SHISA9: variants seen among roughly 807,000 people sequenced by gnomAD.
SHISA9 encodes shisa family member 9.
In SHISA9, 13 loss-of-function variants were observed where a neutral mutation model predicts 38.0. That is an observed-to-expected ratio of 0.34 (90% CI 0.22 to 0.54). The LOEUF (loss-of-function observed/expected upper bound fraction) is 0.54, where lower values mean the gene tolerates loss of function less well. Ranked by LOEUF, SHISA9 falls within the 20% of genes least tolerant of loss-of-function variation. SHISA9 has a pLI of 0.91. For synonymous variants in SHISA9, 275 were observed against 242.0 expected, an observed-to-expected ratio of 1.14 and a Z score of -1.27; for missense variants, 538 against 575.8, an observed-to-expected ratio of 0.93 and a Z score of 0.67.
At chr16:13,300,207 G>A in the SHISA9 span, among the ~76,000 whole-genome samples, 81 of 152,166 alleles carry the variant, frequency 5.3e-4, no homozygotes, top group African/African-American at 1.9e-3. Context: ...TCCCCAGTAC[G>A]CCTGTATTTC....
chr16:13,103,307 A>G (rs190245276), intron 2 of SHISA9, among the ~76,000 whole-genome samples: 5 of 152,344 alleles, frequency 3.3e-5, no homozygotes, highest in African/African-American at 1.2e-4. Context: ...TTCTCCTGGC[A>G]TGAGTTTCAT....
At chr16:13,009,830 C>T (rs1459305417) in intron 2 of SHISA9, among the ~76,000 whole-genome samples, 1 of 152,150 alleles carries the variant, frequency 6.6e-6, no homozygotes, top group East Asian at 1.9e-4. Context: ...AGCTACAGCC[C>T]GTCATGGCCT....
the SHISA9 span, among the ~76,000 whole-genome samples, chr16:13,409,110 C>T: frequency 8.5e-5 from 13 of 152,062 alleles, no homozygotes; most frequent in African/African-American, 1.4e-4. Context: ...CAGGAAAAGA[C>T]GAAGAGAAGG....
chr16:13,417,814 G>A, the SHISA9 span, among the ~76,000 whole-genome samples: 1 of 152,182 alleles, frequency 6.6e-6, no homozygotes, highest in Non-Finnish European at 1.5e-5. Context: ...ATGCCAACGG[G>A]CAGAGAAGAA....
At chr16:13,259,931 C>T in the SHISA9 span, among the ~76,000 whole-genome samples, 5 of 151,350 alleles carry the variant, frequency 3.3e-5, no homozygotes, top group South Asian at 1.0e-3. Flanking sequence ...TAACATTAGT[C>T]TCCATGCTAC....
the SHISA9 span, among the ~76,000 whole-genome samples, chr16:13,466,068 C>A: frequency 6.6e-6 from 1 of 152,306 alleles, no homozygotes; most frequent in East Asian, 1.9e-4. Flanking sequence ...CACCATTAAC[C>A]ATTACCCCTA....
chr16:13,015,969 CCCTTCCCTTCCCTTCCCT>C (rs1160142928), intron 2 of SHISA9, among the ~76,000 whole-genome samples: 3 of 43,560 alleles, frequency 6.9e-5, no homozygotes, highest in African/African-American at 7.8e-5. Context: ...CCCTTCCCTT[CCCTTCCCTTCCCTTCCCT>C]TCTTTTCTTT....
rs114129862 is a variant in SHISA9 at position 12,903,198 on chromosome 16, C to G, written c.563+571C>G. ...AAAGCCTTGCTTGGAGCGGCCGCCT[C>G]GCTTTCCCAGAGCTTCGCCGTCCCT... On this transcript the variant is annotated intron_variant, in intron 1 of 4. Transcript: ENST00000558583. Among the ~76,000 whole-genome samples, 398 of 152,294 alleles carry G rather than the reference C, an allele frequency of 2.6e-3. 1 individual carries two copies. The highest frequency in any genetic ancestry group is 9.4e-3 in the African/African-American group (392 of 41,582).
At chr16:13,128,649 G>T (rs576832929) in intron 2 of SHISA9, among the ~76,000 whole-genome samples, 44 of 152,166 alleles carry the variant, frequency 2.9e-4, no homozygotes, top group Non-Finnish European at 5.6e-4. Flanking sequence ...TGCCCAGATT[G>T]TTGGGACCAA....
chr16:12,948,299 G>C (rs2071712445), intron 2 of SHISA9, among the ~76,000 whole-genome samples: 1 of 152,132 alleles, frequency 6.6e-6, no homozygotes, highest in Non-Finnish European at 1.5e-5. Context: ...ACTATTATAT[G>C]ATACTGCACT....
chr16:13,030,484 C>G (rs1384565024), intron 2 of SHISA9, among the ~76,000 whole-genome samples: 1 of 152,172 alleles, frequency 6.6e-6, no homozygotes, highest in East Asian at 1.9e-4. Context: ...GATTGGCTTG[C>G]TTCCCTTCCC....
chr16:12,973,120 C>G (rs934883598), intron 2 of SHISA9, among the ~76,000 whole-genome samples: 1 of 152,118 alleles, frequency 6.6e-6, no homozygotes, highest in Non-Finnish European at 1.5e-5. Flanking sequence ...CATTTCACCC[C>G]TCCGCTCCCC....
At chr16:13,111,033 A>G (rs985222200) in intron 2 of SHISA9, among the ~76,000 whole-genome samples, 1 of 152,220 alleles carries the variant, frequency 6.6e-6, no homozygotes, top group Non-Finnish European at 1.5e-5. Flanking sequence ...CACCTTATAC[A>G]AAAATTAACT....
At position 13,107,472 on chromosome 16, in the gene SHISA9, GACACACACACACAC is replaced by G. The variant is rs34291803; in HGVS notation, c.692-95892_692-95879del. ...CAAACAAACAAACAAAAAAACAACA[GACACACACACACAC>G]ACACACACACACACACACACACACA... On this transcript the variant is annotated intron_variant, in intron 2 of 4. Coordinates refer to ENST00000558583, the MANE Select transcript of SHISA9 (RefSeq NM_001145204.3). Among the ~76,000 whole-genome samples, 361 of 144,430 alleles carry G rather than the reference GACACACACACACAC, an allele frequency of 2.5e-3. 1 individual carries two copies. The highest frequency in any genetic ancestry group is 6.8e-3 in the African/African-American group (263 of 38,878). 94.8% of individuals were successfully genotyped at this position (144,430 alleles called of 152,430 possible). A position where few individuals can be genotyped will look rare whatever the true frequency, so the allele number is the denominator to read the frequency against.
chr16:13,512,169 A>G, the SHISA9 span, among the ~76,000 whole-genome samples: 8 of 152,206 alleles, frequency 5.3e-5, no homozygotes, highest in Admixed American at 5.2e-4. Flanking sequence ...GAATATTTAT[A>G]GAAATACAAA....
chr16:13,428,956 C>G, the SHISA9 span, among the ~76,000 whole-genome samples: 17,866 of 151,648 alleles, frequency 0.12, 1,334 homozygotes, highest in Non-Finnish European at 0.17. Context: ...TAGTAGAGAC[C>G]GGGTTTTGCT....
the SHISA9 span, among the ~76,000 whole-genome samples, chr16:13,326,079 A>G: frequency 6.6e-6 from 1 of 151,826 alleles, no homozygotes; most frequent in East Asian, 1.9e-4. Flanking sequence ...AAAAAAAAAA[A>G]AAGAAAGAAA....
At chr16:13,026,878 C>T (rs147353955) in intron 2 of SHISA9, among the ~76,000 whole-genome samples, 9 of 152,312 alleles carry the variant, frequency 5.9e-5, no homozygotes, top group African/African-American at 2.2e-4. Context: ...ATGTGAAGCT[C>T]AGAGACTTTG....
At chr16:13,468,611 G>A in the SHISA9 span, among the ~76,000 whole-genome samples, 1 of 152,056 alleles carries the variant, frequency 6.6e-6, no homozygotes, top group African/African-American at 2.4e-5. Context: ...AGTAATAGGA[G>A]GTCCATTCCT....
Sources: allele counts gnomAD v4.1 joint callset (sites outside exome capture counted in the v4.1 genomes callset), GRCh38; gene constraint gnomAD v4.1.1; transcripts MANE v1.5; gene names NCBI Gene and HGNC (gene_info 2026-07-23, HGNC 2026-07-21).